The following MBNL2 variants were observed in gnomAD, a reference collection of about 807,000 sequenced individuals.
MBNL2 encodes muscleblind like splicing regulator 2.
MBNL2 carries 17 observed loss-of-function variants against 41.9 expected under a neutral mutation model. The ratio of observed to expected loss-of-function variants is 0.41; its 90% CI spans 0.28 to 0.61. The LOEUF is 0.61. MBNL2 is among the 20% of genes least tolerant of loss of function. MBNL2 has a pLI of 0.35. For missense variants in MBNL2, 336 were observed against 505.6 expected (o/e 0.66, Z 3.22); for synonymous variants, 195 against 182.9 (o/e 1.07, Z -0.53).
chr13:97,150,047 G>A, the MBNL2 span, among the ~76,000 whole-genome samples: 1 of 152,208 alleles, frequency 6.6e-6, no homozygotes, highest in Non-Finnish European at 1.5e-5. Flanking sequence ...AGCAACAGGC[G>A]TGCTTTTGTC....
the MBNL2 span, among the ~76,000 whole-genome samples, chr13:97,210,464 T>C: frequency 6.6e-6 from 1 of 152,060 alleles, no homozygotes; most frequent in South Asian, 2.1e-4. Context: ...AAGTGTAGTA[T>C]GTATGTGGAT....
chr13:97,156,185 T>C, the MBNL2 span, among the ~76,000 whole-genome samples: 2 of 112,024 alleles, frequency 1.8e-5, no homozygotes, highest in African/African-American at 3.6e-5. Context: ...TTTGGCTGCA[T>C]AAATGTCTTC....
chr13:97,258,937 C>T (rs1413369584), intron 1 of MBNL2, among the ~76,000 whole-genome samples: 1 of 152,200 alleles, frequency 6.6e-6, no homozygotes, highest in Non-Finnish European at 1.5e-5. Flanking sequence ...GGAAGGCCTG[C>T]TCTCTCTGGC....
At chr13:97,190,957 A>G in the MBNL2 span, among the ~76,000 whole-genome samples, 6 of 152,168 alleles carry the variant, frequency 3.9e-5, no homozygotes, top group Non-Finnish European at 8.8e-5. Flanking sequence ...TAACACTTAA[A>G]GTTTTAATGA....
chr13:97,159,083 T>C, the MBNL2 span, among the ~76,000 whole-genome samples: 1 of 152,042 alleles, frequency 6.6e-6, no homozygotes, highest in African/African-American at 2.4e-5. Flanking sequence ...GGTGCTCCTG[T>C]ATTGGGTGCA....
the MBNL2 span, among the ~76,000 whole-genome samples, chr13:97,153,320 AGT>A: frequency 2.6e-3 from 396 of 150,168 alleles, 1 homozygote; most frequent in East Asian, 0.013. Context: ...CGTGTGTGTG[AGT>A]GTGTGTGTGT....
chr13:97,379,839 T>C (rs766771500), intron 8 of MBNL2, among the ~76,000 whole-genome samples: 24 of 152,258 alleles, frequency 1.6e-4, no homozygotes, highest in Non-Finnish European at 2.1e-4. Context: ...CACAACCAGG[T>C]GAATGGAGTT....
chr13:97,143,788 A>G, the MBNL2 span, among the ~76,000 whole-genome samples: 98 of 152,188 alleles, frequency 6.4e-4, no homozygotes, highest in African/African-American at 2.3e-3. Context: ...ACCCTGACTT[A>G]TTTTTCGATA....
chr13:97,238,485 C>T (rs2043696159), intron 1 of MBNL2, among the ~76,000 whole-genome samples: 1 of 152,140 alleles, frequency 6.6e-6, no homozygotes, highest in Non-Finnish European at 1.5e-5. Context: ...ATTAAGGCTT[C>T]CTGAAACCAG....
Position 97,334,151 on chromosome 13 carries a change from CA to C in MBNL2, c.175-124del, listed in dbSNP as rs752695658. On this transcript the variant is annotated intron_variant, in intron 2 of 8. Coordinates refer to ENST00000679496, the MANE Select transcript of MBNL2 (RefSeq NM_001382683.1). The surrounding 1 kb of genome is among the most constrained non-coding windows in gnomAD (Gnocchi z 5.3). Reference sequence around the variant, plus strand: ...ACATGAGCATGCGCGCGCACACCCACACACACACACACACACACACACACAG... The same window carrying C: ...ACATGAGCATGCGCGCGCACACCCACCACACACACACACACACACACACAG... 1.7e-3 allele frequency: 909 copies of C among 524,622 alleles called. No individual in the cohort carries two copies. Among genetic ancestry groups the C allele is most frequent in the African/African-American group, 3.9e-3 (96 of 24,540 alleles). The allele number at this position is 524,622 out of a possible 1,614,324, so 32.5% of individuals were successfully genotyped here.
chr13:97,171,728 G>T, the MBNL2 span, among the ~76,000 whole-genome samples: 1 of 152,054 alleles, frequency 6.6e-6, no homozygotes, highest in Non-Finnish European at 1.5e-5. Flanking sequence ...TTCATTCTGG[G>T]TCTTGATATG....
upstream of MBNL2, among the ~76,000 whole-genome samples, chr13:97,219,959 T>C (rs2040717666): frequency 6.6e-6 from 1 of 152,246 alleles, no homozygotes; most frequent in Non-Finnish European, 1.5e-5. Flanking sequence ...GAAACATTTC[T>C]AAATATTTAG....
intron 1 of MBNL2, among the ~76,000 whole-genome samples, chr13:97,252,569 T>C (rs1408647104): frequency 6.6e-6 from 1 of 152,222 alleles, no homozygotes; most frequent in East Asian, 1.9e-4. Context: ...GTTAATTTTT[T>C]TGCTTGTCCA....
chr13:97,158,577 G>A, the MBNL2 span, among the ~76,000 whole-genome samples: 1 of 151,120 alleles, frequency 6.6e-6, no homozygotes, highest in Non-Finnish European at 1.5e-5. Flanking sequence ...ATGCGTCCCA[G>A]AGATTCTGGT....
At chr13:97,244,641 A>G (rs2045073989) in intron 1 of MBNL2, among the ~76,000 whole-genome samples, 1 of 152,210 alleles carries the variant, frequency 6.6e-6, no homozygotes, top group South Asian at 2.1e-4. Flanking sequence ...ATTCTTTGCC[A>G]CAAATATAAT....
intron 8 of MBNL2, among the ~76,000 whole-genome samples, chr13:97,385,958 A>G (rs2065889998): frequency 6.6e-6 from 1 of 152,238 alleles, no homozygotes; most frequent in African/African-American, 2.4e-5. Flanking sequence ...TTGAGCGCAC[A>G]TCATGAGTGA....
the MBNL2 span, among the ~76,000 whole-genome samples, chr13:97,162,464 A>G: frequency 6.6e-6 from 1 of 152,106 alleles, no homozygotes; most frequent in Non-Finnish European, 1.5e-5. Flanking sequence ...AGGTGGGTGT[A>G]TTTTTCTATT....
rs766591119 is a variant in MBNL2, at chr13:97,347,057, C to T, written c.794C>T (p.Ala265Val). ...GCCGCCCAGGCAGCCGCGGCCGCGG[C>T]CACAGTCATGGTAAGTGCGGCCGCC... Reference protein sequence around the residue: ...AVAAQAAAAAATVMTQSTAKA... With the variant: ...AVAAQAAAAAVTVMTQSTAKA... The change falls in exon 5 of 9, where the codon GCC becomes GTC. Residue 265 changes from alanine (A) to valine (V), a missense_variant. Transcript: ENST00000679496. 1 of 1,600,760 alleles carries T rather than the reference C, an allele frequency of 6.2e-7. No individual in the cohort carries two copies. The highest frequency in any genetic ancestry group is 8.5e-7 in the Non-Finnish European group (1 of 1,174,538).
intron 5 of MBNL2, among the ~76,000 whole-genome samples, chr13:97,354,039 C>CAAAA (rs61536908): frequency 2.0e-5 from 2 of 101,938 alleles, no homozygotes; most frequent in African/African-American, 3.2e-5. Context: ...GTCCTCAATC[C>CAAAA]AAAAAAAAAA....
Sources: allele counts gnomAD v4.1 joint callset (sites outside exome capture counted in the v4.1 genomes callset), GRCh38; gene constraint gnomAD v4.1.1; non-coding constraint Gnocchi (gnomAD v3.1); transcripts MANE v1.5; gene names NCBI Gene and HGNC (gene_info 2026-07-23, HGNC 2026-07-21).